Variants in IGSF21 observed in about 807,000 individuals in gnomAD.
IGSF21 encodes the protein immunoglobin superfamily member 21.
A neutral mutation model predicts 46.8 loss-of-function variants in IGSF21; 28 were observed. That is an observed-to-expected ratio of 0.60 (90% CI 0.44 to 0.82). IGSF21 has a LOEUF of 0.82. Among genes scored for constraint, IGSF21 ranks in the 40% least tolerant of loss-of-function variants. IGSF21 has a pLI of 0.00. For missense variants in IGSF21, 624 were observed against 665.5 expected, an observed-to-expected ratio of 0.94 and a Z score of 0.69; for synonymous variants, 284 against 273.6, an observed-to-expected ratio of 1.04 and a Z score of -0.38.
At chr1:18,193,133 G>A (rs1200236722) in intron 1 of IGSF21, among the ~76,000 whole-genome samples, 1 of 152,104 alleles carries the variant, frequency 6.6e-6, no homozygotes. Flanking sequence ...TTGAGGAAGG[G>A]CATTTGACAC....
intron 1 of IGSF21, among the ~76,000 whole-genome samples, chr1:18,226,230 G>A (rs1033922113): frequency 6.6e-6 from 1 of 152,132 alleles, no homozygotes; most frequent in Admixed American, 6.5e-5. Flanking sequence ...CCACCCACAG[G>A]CCCCCGTCCG....
intron 1 of IGSF21, among the ~76,000 whole-genome samples, chr1:18,121,337 T>A (rs2086231864): frequency 6.6e-6 from 1 of 152,124 alleles, no homozygotes. Context: ...AGATAAATAT[T>A]CCTCAGGAAA....
At chr1:18,346,872 G>A (rs1336051052) in intron 4 of IGSF21, among the ~76,000 whole-genome samples, 2 of 152,158 alleles carry the variant, frequency 1.3e-5, no homozygotes, top group African/African-American at 4.8e-5. Flanking sequence ...AGGGGCCCCT[G>A]AGCTGGATGT....
chr1:18,325,468 C>T (rs867371823), intron 3 of IGSF21, among the ~76,000 whole-genome samples: 5 of 152,042 alleles, frequency 3.3e-5, no homozygotes, highest in Non-Finnish European at 2.9e-5. Flanking sequence ...CCAGCAGCAG[C>T]GGTACCTGGT....
chr1:18,159,280 A>G (rs2086595057), intron 1 of IGSF21, among the ~76,000 whole-genome samples: 2 of 152,206 alleles, frequency 1.3e-5, no homozygotes, highest in Non-Finnish European at 2.9e-5. Context: ...ATTCTAGAGA[A>G]AGCAGGCAAT....
chr1:18,117,375 G>A (rs554849535), intron 1 of IGSF21, among the ~76,000 whole-genome samples: 41 of 152,292 alleles, frequency 2.7e-4, no homozygotes, highest in Non-Finnish European at 5.0e-4. Context: ...GAGGAGGAGC[G>A]CGGTCCTGGG....
chr1:18,161,063 G>A (rs1042274521), intron 1 of IGSF21, among the ~76,000 whole-genome samples: 3 of 152,122 alleles, frequency 2.0e-5, no homozygotes, highest in Non-Finnish European at 2.9e-5. Context: ...AATCTCTTGG[G>A]CCAGAGTTTG....
intron 1 of IGSF21, among the ~76,000 whole-genome samples, chr1:18,136,012 G>A (rs1476023381): frequency 6.6e-6 from 1 of 152,238 alleles, no homozygotes; most frequent in Non-Finnish European, 1.5e-5. Context: ...CTGATGGCCA[G>A]TGATGATGAG....
chr1:18,114,732 T>C (rs1238837387), intron 1 of IGSF21: 1 of 152,142 alleles, frequency 6.6e-6, no homozygotes, highest in African/African-American at 2.4e-5. Flanking sequence ...GTTGAACAGA[T>C]GAGGGAAAAT....
At position 18,283,597 on chromosome 1, in the gene IGSF21, C is replaced by A. The variant is rs148296972; in HGVS notation, c.184-8269C>A. Among the ~76,000 whole-genome samples, 328 of 152,276 alleles carry A rather than the reference C, an allele frequency of 2.2e-3. 1 individual carries two copies. The highest frequency in any genetic ancestry group is 0.01 in the Middle Eastern group (3 of 294). ...AGAACCCTGTGCCCCTCCCCCTACA[C>A]AGCAGGCGGCCAGGCGGCTGAATCA... On this transcript the variant is annotated intron_variant, in intron 2 of 9. Coordinates refer to ENST00000251296, the MANE Select transcript of IGSF21 (RefSeq NM_032880.5).
chr1:18,114,150 A>C (rs534151887), intron 1 of IGSF21: 1 of 152,236 alleles, frequency 6.6e-6, no homozygotes, highest in African/African-American at 2.4e-5. Flanking sequence ...GGGGTGACCA[A>C]TCCCACCGCC....
chr1:18,172,082 G>T (rs972239168), intron 1 of IGSF21, among the ~76,000 whole-genome samples: 61 of 152,340 alleles, frequency 4.0e-4, no homozygotes, highest in African/African-American at 1.4e-3. Flanking sequence ...AGGCTGAGGA[G>T]GGCAGGAAAG....
chr1:18,294,316 A>G (rs1041380837), intron 3 of IGSF21, among the ~76,000 whole-genome samples: 1 of 152,220 alleles, frequency 6.6e-6, no homozygotes, highest in African/African-American at 2.4e-5. Context: ...GCCATTGCCT[A>G]GAACAACCTC....
chr1:18,292,426 C>T (rs2085276480), intron 3 of IGSF21, among the ~76,000 whole-genome samples: 2 of 152,168 alleles, frequency 1.3e-5, no homozygotes, highest in Non-Finnish European at 1.5e-5. Context: ...ATAAGGGCCC[C>T]GAGCTTAAGA....
chr1:18,168,464 C>G (rs2086701146), intron 1 of IGSF21, among the ~76,000 whole-genome samples: 1 of 152,160 alleles, frequency 6.6e-6, no homozygotes, highest in Admixed American at 6.6e-5. Flanking sequence ...ACATCCTGCA[C>G]CCTGGGTCAT....
intron 1 of IGSF21, among the ~76,000 whole-genome samples, chr1:18,200,958 A>G (rs1016629666): frequency 6.6e-6 from 1 of 152,186 alleles, no homozygotes; most frequent in African/African-American, 2.4e-5. Flanking sequence ...CTAGGGATGG[A>G]TGTAAACAGA....
intron 3 of IGSF21, among the ~76,000 whole-genome samples, chr1:18,305,220 T>C (rs1054359214): frequency 1.4e-5 from 2 of 145,488 alleles, no homozygotes; most frequent in Non-Finnish European, 3.0e-5. Flanking sequence ...GGATAATGGA[T>C]GGATGGACGA....
chr1:18,284,808 G>T (rs1359599739), intron 2 of IGSF21, among the ~76,000 whole-genome samples: 1 of 152,202 alleles, frequency 6.6e-6, no homozygotes, highest in African/African-American at 2.4e-5. Flanking sequence ...TGCCTGGGCT[G>T]GGATTGGAAG....
chr1:18,112,291 G>T (rs766672820), intron 1 of IGSF21: 1 of 152,154 alleles, frequency 6.6e-6, no homozygotes, highest in African/African-American at 2.4e-5. Flanking sequence ...TGCCAGACAC[G>T]GTGCTGAGCA....
Sources: allele counts gnomAD v4.1 joint callset (sites outside exome capture counted in the v4.1 genomes callset), GRCh38; gene constraint gnomAD v4.1.1; transcripts MANE v1.5; gene names NCBI Gene and HGNC (gene_info 2026-07-23, HGNC 2026-07-21).